Variants in CPA4 observed in about 807,000 individuals in gnomAD.
The protein encoded by CPA4 is carboxypeptidase A4.
CPA4 carries 49 observed loss-of-function variants against 54.7 expected under a neutral mutation model. The observed-to-expected ratio is 0.90, with a 90% CI of 0.71 to 1.14. The LOEUF is 1.14. CPA4 is among the 50% of genes most tolerant of loss of function. The pLI, the probability that CPA4 is intolerant of heterozygous loss-of-function variation, is 0.00. For missense variants in CPA4, 487 were observed against 525.1 expected (o/e 0.93, Z 0.71); for synonymous variants, 215 against 206.8 (o/e 1.04, Z -0.34).
Position 130,310,490 on chromosome 7 carries a change from C to G in CPA4, c.794-297C>G, listed in dbSNP as rs1793894263. ...GTATTCATATTAATTATCTAGTCTA[C>G]TTATTAATTACAACTCATTCTCAAG... On this transcript the variant is annotated intron_variant, in intron 8 of 10. Transcript: ENST00000222482. The surrounding 1 kb of genome is among the most constrained non-coding windows in gnomAD (Gnocchi z 4.3). 6.6e-6 allele frequency among the ~76,000 whole-genome samples: 1 copy of G among 152,216 alleles called. No homozygotes were observed. Among genetic ancestry groups the G allele is most frequent in the Non-Finnish European group, 1.5e-5 (1 of 68,030 alleles).
At chr7:130,320,653 G>C (rs1348325788) in intron 10 of CPA4, among the ~76,000 whole-genome samples, 1 of 152,200 alleles carries the variant, frequency 6.6e-6, no homozygotes, top group Non-Finnish European at 1.5e-5. Context: ...GAAGTTGGTT[G>C]AGGAGAGCCT....
At chr7:130,306,538 G>A (rs781286433) in intron 6 of CPA4, among the ~76,000 whole-genome samples, 1 of 152,176 alleles carries the variant, frequency 6.6e-6, no homozygotes, top group Non-Finnish European at 1.5e-5. Flanking sequence ...ACGTACCCCA[G>A]GACTCACTGC....
chr7:130,299,519 G>A, intron 3 of CPA4, 115 bp downstream of exon 3: 2 of 938,218 alleles, frequency 2.1e-6, no homozygotes, highest in South Asian at 3.3e-5. Flanking sequence ...TTATAGACCA[G>A]GAAATGGAGG....
At chr7:130,294,446 A>C (rs1381589153) in intron 1 of CPA4, among the ~76,000 whole-genome samples, 4 of 152,226 alleles carry the variant, frequency 2.6e-5, no homozygotes, top group African/African-American at 9.6e-5. Flanking sequence ...TAGGAGTGGC[A>C]GGTGGCCAGG....
chr7:130,297,368 G>A (rs979396433), intron 1 of CPA4, among the ~76,000 whole-genome samples: 5 of 152,208 alleles, frequency 3.3e-5, no homozygotes, highest in African/African-American at 1.2e-4. Context: ...TGGCAAGCCT[G>A]TTGGGTTCAG....
At chr7:130,322,385 T>G (rs1794122795) in intron 10 of CPA4, 104 bp from the exon 11 acceptor site, 2 of 893,014 alleles carry the variant, frequency 2.2e-6, no homozygotes, top group Non-Finnish European at 3.5e-6. Context: ...AGGAGCAAAC[T>G]CTGGATTCCT....
rs924285999 is a variant in CPA4, at chr7:130,294,859, G to A, written c.68+1611G>A. On this transcript the variant is annotated intron_variant, in intron 1 of 10. Transcript: ENST00000222482. ...AGGGGAACATTTAGAGCAAGGGGAAGCTGGCCTCTGAGCATTCAAGTGGTT... is the reference window on the plus strand; with the variant it reads ...AGGGGAACATTTAGAGCAAGGGGAAACTGGCCTCTGAGCATTCAAGTGGTT... Among the ~76,000 whole-genome samples the A allele has an allele frequency of 3.4e-4, 52 of 152,334 alleles. 1 individual carries two copies. The highest frequency in any genetic ancestry group is 1.1e-3 in the African/African-American group (45 of 41,586).
At chr7:130,296,679 C>CATTTT (rs1793653289) in intron 1 of CPA4, among the ~76,000 whole-genome samples, 2 of 72,984 alleles carry the variant, frequency 2.7e-5, no homozygotes, top group African/African-American at 5.3e-5. Context: ...GCTCCCCTCA[C>CATTTT]TTTTTTTTTT....
At chr7:130,295,627 C>A (rs998226495) in intron 1 of CPA4, among the ~76,000 whole-genome samples, 1 of 152,192 alleles carries the variant, frequency 6.6e-6, no homozygotes, top group African/African-American at 2.4e-5. Flanking sequence ...GGCTGCCCTT[C>A]GCATTGCACC....
intron 8 of CPA4, among the ~76,000 whole-genome samples, chr7:130,309,001 A>T (rs1793872176): frequency 6.6e-6 from 1 of 151,862 alleles, no homozygotes; most frequent in East Asian, 1.9e-4. Context: ...GCATGCCACC[A>T]TGCCCAGCTA....
intron 7 of CPA4, chr7:130,308,026 G>A: frequency 2.4e-6 from 1 of 425,446 alleles, no homozygotes; most frequent in Non-Finnish European, 4.3e-6. Context: ...TTCTGCCAAA[G>A]CCAAAAATTA....
rs117527799 is a variant in CPA4 at position 130,298,870 on chromosome 7, G to C, written c.150+43G>C. 1.1e-4 allele frequency: 131 copies of C among 1,156,628 alleles called. No individual in the cohort carries two copies. In the East Asian group the frequency reaches 2.2e-3, roughly 20 times the overall value. 71.6% of individuals were successfully genotyped at this position (1,156,628 alleles called of 1,614,324 possible). ...GCTCTCCTGAGTGTTTTCTAACTTT[G>C]CTGGGAGAAGACTCTTGCTCTACTG... On this transcript the variant is annotated intron_variant, in intron 2 of 10. Coordinates refer to ENST00000222482, the MANE Select transcript of CPA4 (RefSeq NM_016352.4).
chr7:130,311,631 T>C (rs904581441), intron 9 of CPA4, among the ~76,000 whole-genome samples: 1 of 152,036 alleles, frequency 6.6e-6, no homozygotes, highest in Non-Finnish European at 1.5e-5. Context: ...GAGAGCTTTC[T>C]CTTGAGCATA....
At chr7:130,293,363 T>G (rs1793601751) in intron 1 of CPA4, 115 bp downstream of exon 1, 19 of 736,150 alleles carry the variant, frequency 2.6e-5, no homozygotes, top group Non-Finnish European at 4.6e-5. Flanking sequence ...GGGCTCTTGT[T>G]CCAGCTTTGC....
At chr7:130,297,207 G>A (rs1205812654) in intron 1 of CPA4, among the ~76,000 whole-genome samples, 1 of 152,158 alleles carries the variant, frequency 6.6e-6, no homozygotes, top group Admixed American at 6.5e-5. Flanking sequence ...CTCTCACCTT[G>A]GTTTCCTGAA....
intron 8 of CPA4, among the ~76,000 whole-genome samples, chr7:130,308,619 G>C (rs900584123): frequency 2.0e-5 from 3 of 150,608 alleles, no homozygotes; most frequent in African/African-American, 4.9e-5. Flanking sequence ...GTGCAGTGGC[G>C]TGATCTTGGC....
At chr7:130,315,134 A>T (rs1252285441) in intron 10 of CPA4, among the ~76,000 whole-genome samples, 1 of 151,652 alleles carries the variant, frequency 6.6e-6, no homozygotes, top group Non-Finnish European at 1.5e-5. Context: ...TAGGACTGGG[A>T]TCCCAGTCCT....
Position 130,299,308 on chromosome 7 carries a change from T to C in CPA4, c.189T>C (p.Pro63=), listed in dbSNP as rs1244926965. Residue 63 remains proline (P), a synonymous_variant, in exon 3 of 11, where the codon CCT becomes CCC. Transcript: ENST00000222482. ...AATCTCCCTCCTCCTTCAATCGGCCTGTGGATGTCCTGGTCCCATCTGTCA... is the reference window on the plus strand; with the variant it reads ...AATCTCCCTCCTCCTTCAATCGGCCCGTGGATGTCCTGGTCCCATCTGTCA... ...FWKSPSSFNR[P]VDVLVPSVSL... 6.2e-7 allele frequency: 1 copy of C among 1,612,740 alleles called. No individual in the cohort carries two copies. The highest frequency in any genetic ancestry group is 1.3e-5 in the African/African-American group (1 of 74,914).
At chr7:130,307,946 C>G (rs1309065052) in intron 7 of CPA4, among the ~76,000 whole-genome samples, 2 of 152,286 alleles carry the variant, frequency 1.3e-5, no homozygotes, top group Non-Finnish European at 2.9e-5. Context: ...TTTAGGCAAG[C>G]AAGAAACAGG....
Sources: allele counts gnomAD v4.1 joint callset (sites outside exome capture counted in the v4.1 genomes callset), GRCh38; gene constraint gnomAD v4.1.1; non-coding constraint Gnocchi (gnomAD v3.1); transcripts MANE v1.5; gene names NCBI Gene and HGNC (gene_info 2026-07-23, HGNC 2026-07-21).